SLC14A2: variants seen among roughly 807,000 people sequenced by gnomAD.
SLC14A2 encodes the protein solute carrier family 14 member 2.
In SLC14A2, 91 loss-of-function variants were observed where a neutral mutation model predicts 104.6. The ratio of observed to expected loss-of-function variants is 0.87; its 90% confidence interval spans 0.73 to 1.04. SLC14A2 has a LOEUF of 1.04. Among genes scored for constraint, SLC14A2 ranks in the 50% least tolerant of loss-of-function variants. The pLI, the probability that SLC14A2 is intolerant of heterozygous loss-of-function variation, is 0.00. For synonymous variants in SLC14A2, 476 were observed against 466.4 expected (o/e 1.02, Z -0.27); for missense variants, 1,189 against 1,156.0 (o/e 1.03, Z -0.41).
At chr18:45,423,136 G>A (rs778167628) in intron 1 of SLC14A2, among the ~76,000 whole-genome samples, 7 of 152,138 alleles carry the variant, frequency 4.6e-5, no homozygotes, top group Non-Finnish European at 8.8e-5. Flanking sequence ...TCCATTTGGG[G>A]AATGAAGACG....
At chr18:45,610,385 G>C (rs1417471206) in intron 2 of SLC14A2, among the ~76,000 whole-genome samples, 2 of 152,092 alleles carry the variant, frequency 1.3e-5, no homozygotes, top group Non-Finnish European at 2.9e-5. Context: ...CATTACCTAG[G>C]GAGCTTTTAA....
intron 2 of SLC14A2, among the ~76,000 whole-genome samples, chr18:45,503,628 G>T (rs2043233828): frequency 6.6e-6 from 1 of 152,118 alleles, no homozygotes; most frequent in Non-Finnish European, 1.5e-5. Context: ...CTTATGCAAA[G>T]CTCCACGTAC....
rs546280403 is a variant in SLC14A2 at position 45,509,798 on chromosome 18, TGACCCAGG to T, written c.-35+26478_-35+26485del. Among the ~76,000 whole-genome samples, 75 of 152,348 alleles carry T rather than the reference TGACCCAGG, an allele frequency of 4.9e-4. 2 individuals carry two copies. In the South Asian group the frequency reaches 0.015, roughly 31 times the overall value. ...GATGAACTTTGTTTGTAGAGATGTC[TGACCCAGG>T]GCCCCACACTGTGACTTCTCTATGG... On this transcript the variant is annotated intron_variant, in intron 2 of 20. Coordinates refer to the SLC14A2 transcript ENST00000586448.
chr18:45,451,673 TTATC>T (rs3058357), intron 1 of SLC14A2, among the ~76,000 whole-genome samples: 35,037 of 151,940 alleles, frequency 0.23, 7,066 homozygotes, highest in African/African-American at 0.53. Context: ...TAGAGACAGT[TTATC>T]TATGCCTGCA....
At chr18:45,378,856 C>A (rs901810627) in intron 1 of SLC14A2, among the ~76,000 whole-genome samples, 1 of 152,086 alleles carries the variant, frequency 6.6e-6, no homozygotes, top group African/African-American at 2.4e-5. Flanking sequence ...GGTGATCTGC[C>A]CGTCTCAGCC....
At chr18:45,528,185 G>A (rs1035197974) in intron 2 of SLC14A2, 13 of 22,298 alleles carry the variant, frequency 5.8e-4, no homozygotes, top group Admixed American at 3.2e-3. Context: ...GTGTGTGCGG[G>A]GGGGGGGGGG....
chr18:45,624,440 C>T (rs749226561), intron 1 of SLC14A2, among the ~76,000 whole-genome samples, 191 bp from the exon 2 acceptor site: 3 of 152,080 alleles, frequency 2.0e-5, no homozygotes, highest in Non-Finnish European at 4.4e-5. Context: ...TTCTTCTGGA[C>T]GCGGAAGAAT....
intron 4 of SLC14A2, among the ~76,000 whole-genome samples, chr18:45,629,672 TC>T (rs2045315035): frequency 6.6e-6 from 1 of 152,114 alleles, no homozygotes; most frequent in African/African-American, 2.4e-5. Context: ...TTGATTATCC[TC>T]CCCACCATTA....
At position 45,675,035 on chromosome 18, in the gene SLC14A2, C is replaced by T. The variant is rs78991183; in HGVS notation, c.2512+1218C>T. ...TCCTCCATCCGAACTCATTAAACTC[C>T]CCACCCCCTTTCCCAGCATGGCACC... is the stretch of plus-strand genomic sequence containing the variant. On this transcript the variant is annotated intron_variant, in intron 18 of 19. Transcript: ENST00000255226. Among the ~76,000 whole-genome samples the T allele has an allele frequency of 2.4e-3, 373 of 152,288 alleles. 14 individuals are homozygous for T. In the East Asian group the frequency reaches 0.05, roughly 20 times the overall value.
chr18:45,468,374 T>C (rs1165504843), intron 1 of SLC14A2, among the ~76,000 whole-genome samples: 1 of 151,950 alleles, frequency 6.6e-6, no homozygotes, highest in African/African-American at 2.4e-5. Flanking sequence ...AAATCAATGC[T>C]TTCAAAATGC....
chr18:45,419,868 G>C (rs2086322703), intron 1 of SLC14A2, among the ~76,000 whole-genome samples: 1 of 152,108 alleles, frequency 6.6e-6, no homozygotes, highest in African/African-American at 2.4e-5. Context: ...GGGCATTCTT[G>C]CTAATAGTAC....
chr18:45,571,314 G>A (rs1028709910), intron 2 of SLC14A2, among the ~76,000 whole-genome samples: 2 of 152,214 alleles, frequency 1.3e-5, no homozygotes, highest in Non-Finnish European at 2.9e-5. Context: ...GAGCCATGAG[G>A]GACTGTTGCT....
intron 1 of SLC14A2, among the ~76,000 whole-genome samples, chr18:45,388,425 A>G (rs1323941563): frequency 1.3e-5 from 2 of 151,938 alleles, no homozygotes; most frequent in African/African-American, 4.8e-5. Flanking sequence ...CTGGAAAACA[A>G]TTTCACTCCT....
At chr18:45,622,507 G>C (rs2045189229) in intron 1 of SLC14A2, among the ~76,000 whole-genome samples, 1 of 152,164 alleles carries the variant, frequency 6.6e-6, no homozygotes, top group African/African-American at 2.4e-5. Flanking sequence ...TCAAAACTGG[G>C]CTGGAAATGT....
At chr18:45,470,239 C>G (rs2087222743) in intron 1 of SLC14A2, among the ~76,000 whole-genome samples, 1 of 152,122 alleles carries the variant, frequency 6.6e-6, no homozygotes, top group Non-Finnish European at 1.5e-5. Flanking sequence ...TGTACTCAAC[C>G]TGTCTGATAC....
At chr18:45,546,568 G>A (rs997669200) in intron 2 of SLC14A2, among the ~76,000 whole-genome samples, 4 of 152,212 alleles carry the variant, frequency 2.6e-5, no homozygotes, top group Non-Finnish European at 2.9e-5. Context: ...AAGGAAGCCT[G>A]TGGGCAATTC....
At chr18:45,341,651 G>T (rs1178892817) in intron 1 of SLC14A2, among the ~76,000 whole-genome samples, 5 of 125,302 alleles carry the variant, frequency 4.0e-5, no homozygotes, top group African/African-American at 1.2e-4. Flanking sequence ...GCCACCTAGT[G>T]GTGTGGTCTC....
rs531547388 is a variant in SLC14A2 at position 45,582,282 on chromosome 18, T to C, written c.-34-42349T>C. 1.1e-4 allele frequency among the ~76,000 whole-genome samples: 16 copies of C among 152,272 alleles called. No homozygotes were observed. In the East Asian group the frequency reaches 3.1e-3, roughly 29 times the overall value. On this transcript the variant is annotated intron_variant, in intron 2 of 20. Transcript: ENST00000586448. ...TTCCTGACCTCAGAAGGGATTGAGA[T>C]GGCCTGTTACAAATTAATAAAATGA...
At chr18:45,673,649 T>TA (rs377272686) in intron 17 of SLC14A2, 34 bp from the exon 18 acceptor site, 4 of 1,609,184 alleles carry the variant, frequency 2.5e-6, no homozygotes, top group Middle Eastern at 1.6e-4. Flanking sequence ...CATAAGACCC[T>TA]AGACCCAACC....
Sources: allele counts gnomAD v4.1 joint callset (sites outside exome capture counted in the v4.1 genomes callset), GRCh38; gene constraint gnomAD v4.1.1; transcripts MANE v1.5; gene names NCBI Gene and HGNC (gene_info 2026-07-23, HGNC 2026-07-21).